CARM1: variants seen among roughly 807,000 people sequenced by gnomAD.
CARM1 encodes the protein histone-arginine methyltransferase CARM1.
A neutral mutation model predicts 72.7 loss-of-function variants in CARM1; 14 were observed. The ratio of observed to expected loss-of-function variants is 0.19; its 90% confidence interval spans 0.13 to 0.30. CARM1 has a LOEUF of 0.30. Ranked by LOEUF, CARM1 falls within the 10% of genes least tolerant of loss-of-function variation. CARM1 has a pLI of 1.00. For missense variants in CARM1, 432 were observed against 833.7 expected, an observed-to-expected ratio of 0.52 and a Z score of 5.93; for synonymous variants, 333 against 345.5, an observed-to-expected ratio of 0.96 and a Z score of 0.40.
Position 10,914,066 on chromosome 19 carries a change from G to A in CARM1, c.847+12G>A, listed in dbSNP as rs918090350. ...CCTGAAGCCCAGCGGTGAGCACTGG[G>A]GGGTACACAGGCCAGGCCCCTCGGT... is the stretch of plus-strand genomic sequence containing the variant. On this transcript the variant is annotated intron_variant, in intron 6 of 15. Coordinates refer to ENST00000327064, the MANE Select transcript of CARM1 (RefSeq NM_199141.2). The A allele has an allele frequency of 1.2e-6, 2 of 1,606,712 alleles. No individual in the cohort carries two copies. The highest frequency in any genetic ancestry group is 1.7e-5 in the Admixed American group (1 of 59,082).
chr19:10,911,398 G>A (rs775053451), intron 4 of CARM1, among the ~76,000 whole-genome samples: 4 of 152,120 alleles, frequency 2.6e-5, no homozygotes, highest in South Asian at 4.1e-4. Flanking sequence ...GGGCCATCCC[G>A]AGCCTCCTCC....
intron 9 of CARM1, 56 bp from the exon 10 acceptor site, chr19:10,919,821 C>G: frequency 1.3e-6 from 2 of 1,528,584 alleles, no homozygotes; most frequent in Non-Finnish European, 1.8e-6. Flanking sequence ...ACCCCCTCTT[C>G]TCTCTCGGCA....
At chr19:10,877,125 C>G (rs2073870548) in intron 1 of CARM1, among the ~76,000 whole-genome samples, 1 of 151,988 alleles carries the variant, frequency 6.6e-6, no homozygotes, top group African/African-American at 2.4e-5. Flanking sequence ...CCTGGGATCC[C>G]CCTGACAGCT....
At chr19:10,919,744 G>A (rs1276597809) in intron 9 of CARM1, 64 bp downstream of exon 9, 3 of 1,532,004 alleles carry the variant, frequency 2.0e-6, no homozygotes, top group Non-Finnish European at 2.7e-6. Context: ...GCCACCCCTG[G>A]CTCCCGCCGG....
rs192450415 is a variant in CARM1 at position 10,889,745 on chromosome 19, C to G, written c.221-15206C>G. ...CCAAGCCCGGATCCAACCGTGGACC[C>G]TGGCCTTTTGGGCCAGCAGAAGAGG... On this transcript the variant is annotated intron_variant, in intron 1 of 15. Coordinates refer to ENST00000327064, the MANE Select transcript of CARM1 (RefSeq NM_199141.2). Among the ~76,000 whole-genome samples, 194 of 152,316 alleles carry G rather than the reference C, an allele frequency of 1.3e-3. 8 individuals are homozygous for G. The highest frequency in any genetic ancestry group is 6.9e-4 in the Non-Finnish European group (47 of 68,032).
In CARM1 at chr19:10,915,883, C is replaced by G. The variant is rs1246114803; in HGVS notation, c.848-524C>G. ...CAGGCCAAGTGGCCCATCCTGCCGGCTGGGTGCCTGTGCCAGAACCTAGGC... is the reference window on the plus strand; with the variant it reads ...CAGGCCAAGTGGCCCATCCTGCCGGGTGGGTGCCTGTGCCAGAACCTAGGC... On this transcript the variant is annotated intron_variant, in intron 6 of 15. Transcript: ENST00000327064. This position sits in a 1 kb window ranked among gnomAD's most constrained non-coding sequence, Gnocchi z 4.6. Among the ~76,000 whole-genome samples, 1 of 152,198 alleles carries G rather than the reference C, an allele frequency of 6.6e-6. No individual in the cohort carries two copies. Among genetic ancestry groups the G allele is most frequent in the Non-Finnish European group, 1.5e-5 (1 of 68,020 alleles).
chr19:10,892,148 C>CTTCATTTA (rs1257290701), intron 1 of CARM1, among the ~76,000 whole-genome samples: 1 of 152,246 alleles, frequency 6.6e-6, no homozygotes, highest in African/African-American at 2.4e-5. Flanking sequence ...TTTGCCACAT[C>CTTCATTTA]TTCATTTATT....
At chr19:10,882,665 C>T (rs2073910852) in intron 1 of CARM1, among the ~76,000 whole-genome samples, 1 of 151,604 alleles carries the variant, frequency 6.6e-6, no homozygotes, top group African/African-American at 2.4e-5. Flanking sequence ...CCTCAGCCTC[C>T]TGAGTCTCTG....
chr19:10,917,613 CTGGGATTCCAATTACG>C (rs2074208378), intron 8 of CARM1, among the ~76,000 whole-genome samples: 1 of 152,136 alleles, frequency 6.6e-6, no homozygotes, highest in African/African-American at 2.4e-5. Flanking sequence ...CTTTCTCCTT[CTGGGATTCCAATTACG>C]TGTACAGTGA....
In CARM1 at chr19:10,894,377, T is replaced by C. The variant is rs2074009065; in HGVS notation, c.221-10574T>C. 2.0e-5 allele frequency among the ~76,000 whole-genome samples: 3 copies of C among 152,204 alleles called. No homozygotes were observed. The South Asian group carries it at 6.2e-4, about 32-fold the overall frequency. On this transcript the variant is annotated intron_variant, in intron 1 of 15. Coordinates refer to ENST00000327064, the MANE Select transcript of CARM1 (RefSeq NM_199141.2). ...GGGCTTCAGAAAGCGTGTTTTTTTT[T>C]CCGTGCCTGTGGGATGGGAGTTGGC...
chr19:10,893,560 G>C (rs1228350266), intron 1 of CARM1, among the ~76,000 whole-genome samples: 2 of 151,910 alleles, frequency 1.3e-5, no homozygotes, highest in African/African-American at 4.8e-5. Context: ...GGATGGTCTC[G>C]ATCTCCTGAC....
chr19:10,886,056 CTTTTTTT>C (rs899009522), intron 1 of CARM1, among the ~76,000 whole-genome samples: 37 of 136,504 alleles, frequency 2.7e-4, no homozygotes, highest in Middle Eastern at 3.6e-3. Flanking sequence ...TTCTTTCTTT[CTTTTTTT>C]TTTTTTTTTT....
intron 1 of CARM1, among the ~76,000 whole-genome samples, chr19:10,878,018 T>A (rs2073876278): frequency 1.3e-5 from 2 of 152,120 alleles, no homozygotes; most frequent in South Asian, 2.1e-4. Context: ...ATTTAAGCAA[T>A]TTTTTTAGAG....
intron 6 of CARM1, among the ~76,000 whole-genome samples, chr19:10,914,649 C>G (rs1221735205): frequency 3.3e-5 from 5 of 152,144 alleles, no homozygotes; most frequent in African/African-American, 1.2e-4. Flanking sequence ...TGCACCTCCC[C>G]AGTTCAAGCA....
At position 10,896,309 on chromosome 19, in the gene CARM1, G is replaced by A. The variant is rs532346207; in HGVS notation, c.221-8642G>A. Among the ~76,000 whole-genome samples, 1 of 152,110 alleles carries A rather than the reference G, an allele frequency of 6.6e-6. No homozygotes were observed. The highest frequency in any genetic ancestry group is 2.4e-5 in the African/African-American group (1 of 41,504). On this transcript the variant is annotated intron_variant, in intron 1 of 15. Transcript: ENST00000327064. The surrounding 1 kb of genome is among the most constrained non-coding windows in gnomAD (Gnocchi z 5.2). ...TATTTTCTTCAAGTCTGGGGCTAGG[G>A]AATCCTTATACCTTAGAGTCCCCCA...
In CARM1 at chr19:10,871,890, G is replaced by C. The variant is rs2073821356; in HGVS notation, c.188G>C (p.Gly63Ala). 1 of 1,239,278 alleles carries C rather than the reference G, an allele frequency of 8.1e-7. No individual in the cohort carries two copies. The highest frequency in any genetic ancestry group is 3.5e-5 in the East Asian group (1 of 28,646). 76.8% of individuals were successfully genotyped at this position (1,239,278 alleles called of 1,614,324 possible). Residue 63 changes from glycine (G) to alanine (A), a missense_variant, in exon 1 of 16, where the codon GGC (glycine) becomes GCC (alanine). This residue lies in a region of CARM1 where 138 missense variants were observed against 192.3 expected (regional missense o/e 0.72). Coordinates refer to ENST00000327064, the MANE Select transcript of CARM1 (RefSeq NM_199141.2). The surrounding 1 kb of genome is among the most constrained non-coding windows in gnomAD (Gnocchi z 5.6). ...QQALRLEVRA[G>A]PDSAGIALYS... is the part of the protein sequence containing the mutation. ...GCGCTGCGCCTCGAGGTGCGCGCCG[G>C]CCCGGACTCGGCGGGCATCGCCCTC...
Position 10,912,711 on chromosome 19 carries a change from C to T in CARM1, c.669+417C>T, listed in dbSNP as rs2074161914. Among the ~76,000 whole-genome samples the T allele has an allele frequency of 1.3e-5, 2 of 152,150 alleles. No homozygotes were observed. The highest frequency in any genetic ancestry group is 4.1e-4 in the South Asian group (2 of 4,828). On this transcript the variant is annotated intron_variant, in intron 5 of 15. Coordinates refer to ENST00000327064, the MANE Select transcript of CARM1 (RefSeq NM_199141.2). This position sits in a 1 kb window ranked among gnomAD's most constrained non-coding sequence, Gnocchi z 4.5. Reference sequence around the variant, plus strand: ...CTCTCGCACCAGTGGAGGCTGCACCCTCCATTCCCTGCTCTGCCTCTCCCA... The same window carrying T: ...CTCTCGCACCAGTGGAGGCTGCACCTTCCATTCCCTGCTCTGCCTCTCCCA...
chr19:10,916,431 A>T lies in CARM1; in HGVS notation c.872A>T (p.Asp291Val), dbSNP rs1476234949. Residue 291 changes from aspartate to valine, a missense_variant, in exon 7 of 16, where the codon GAC becomes GTC. Physicochemically the swap from Asp to Val is radical, Grantham distance 152 (BLOSUM62 -3). This residue lies in a region of CARM1 where 152 missense variants were observed against 452.8 expected (regional missense o/e 0.34). Coordinates refer to ENST00000327064, the MANE Select transcript of CARM1 (RefSeq NM_199141.2). The surrounding 1 kb of genome is among the most constrained non-coding windows in gnomAD (Gnocchi z 4.4). ...PSGNMFPTIGDVHLAPFTDEQ... is the reference protein window; with the variant it reads ...PSGNMFPTIGVVHLAPFTDEQ... The stretch of plus-strand genomic sequence containing the variant: ...GGAAACATGTTTCCTACCATTGGTG[A>T]CGTCCACCTTGCACCCTTCACGGAT... The T allele has an allele frequency of 6.2e-7, 1 of 1,613,706 alleles. No individual in the cohort carries two copies. Among genetic ancestry groups the T allele is most frequent in the Non-Finnish European group, 8.5e-7 (1 of 1,179,810 alleles).
In CARM1 at chr19:10,912,301, G is replaced by C; in HGVS notation, c.669+7G>C. 1 of 1,603,156 alleles carries C rather than the reference G, an allele frequency of 6.2e-7. No homozygotes were observed. The highest frequency in any genetic ancestry group is 8.5e-7 in the Non-Finnish European group (1 of 1,170,520). On this transcript the variant is annotated splice_region_variant and intron_variant, in intron 5 of 15. Transcript: ENST00000327064. The surrounding 1 kb of genome is among the most constrained non-coding windows in gnomAD (Gnocchi z 4.5). ...CATGGCCCAGCACGCTGAGGTCAGT[G>C]GCCCGCTGGTGCCCACCCAGCCTCG... is the stretch of plus-strand genomic sequence containing the variant.
Sources: gnomAD v4.1 joint callset for allele counts (sites outside exome capture counted in the v4.1 genomes callset) on GRCh38, gnomAD v4.1.1 for gene constraint, gnomAD v4.1.1 regional missense constraint, Gnocchi (gnomAD v3.1) non-coding constraint, MANE v1.5 for transcripts, NCBI Gene and HGNC (gene_info 2026-07-23, HGNC 2026-07-21) for gene names.